SORCS1: variants seen among roughly 807,000 people sequenced by gnomAD.
SORCS1 encodes sortilin related VPS10 domain containing receptor 1.
In SORCS1, 60 loss-of-function variants were observed where a neutral mutation model predicts 146.1. The observed-to-expected ratio is 0.41, with a 90% confidence interval of 0.33 to 0.51. The LOEUF is 0.51. Ranked by LOEUF, SORCS1 falls within the 20% of genes least tolerant of loss-of-function variation. The probability of loss-of-function intolerance (pLI) is 0.21; values close to 1 mark genes in which losing one functional copy is unlikely to be tolerated. For synonymous variants in SORCS1, 637 were observed against 584.0 expected, an observed-to-expected ratio of 1.09 and a Z score of -1.31; for missense variants, 1,352 against 1,487.6, an observed-to-expected ratio of 0.91 and a Z score of 1.50.
At chr10:106,954,188 G>A (rs924908799) in intron 2 of SORCS1, among the ~76,000 whole-genome samples, 8 of 152,156 alleles carry the variant, frequency 5.3e-5, no homozygotes, top group African/African-American at 1.2e-4. Context: ...TTATGACTGC[G>A]TAAGCCTCTG....
At chr10:107,178,239 T>G in the SORCS1 span, among the ~76,000 whole-genome samples, 1 of 152,272 alleles carries the variant, frequency 6.6e-6, no homozygotes, top group South Asian at 2.1e-4. Context: ...CAGTAGAACT[T>G]ACTCCTGTGT....
chr10:106,992,826 CTTTTTTT>C (rs36052970), intron 1 of SORCS1, among the ~76,000 whole-genome samples: 1 of 57,084 alleles, frequency 1.8e-5, no homozygotes, highest in Non-Finnish European at 3.0e-5. Flanking sequence ...TTCTTTCTTT[CTTTTTTT>C]TTTTTTTTTT....
chr10:106,769,006 G>C (rs925849671), intron 4 of SORCS1, among the ~76,000 whole-genome samples: 9 of 152,218 alleles, frequency 5.9e-5, no homozygotes, highest in Admixed American at 3.3e-4. Flanking sequence ...TGACAGAGCA[G>C]AGAGCTGATC....
At chr10:107,089,588 C>A (rs1021967586) in intron 1 of SORCS1, among the ~76,000 whole-genome samples, 1 of 152,068 alleles carries the variant, frequency 6.6e-6, no homozygotes, top group Non-Finnish European at 1.5e-5. Flanking sequence ...AGAGCCAAAC[C>A]TTGAACAGGG....
At chr10:106,795,276 T>C (rs893268722) in intron 3 of SORCS1, among the ~76,000 whole-genome samples, 1 of 152,142 alleles carries the variant, frequency 6.6e-6, no homozygotes, top group South Asian at 2.1e-4. Flanking sequence ...AGATATAATC[T>C]AGTTGTTTTT....
chr10:106,993,669 T>C (rs1956867070), intron 1 of SORCS1, among the ~76,000 whole-genome samples: 1 of 152,200 alleles, frequency 6.6e-6, no homozygotes, highest in East Asian at 1.9e-4. Flanking sequence ...AACACTTTGT[T>C]TGAATGTATA....
chr10:106,840,490 T>A (rs1948976823), intron 2 of SORCS1, among the ~76,000 whole-genome samples: 1 of 118,838 alleles, frequency 8.4e-6, no homozygotes, highest in Non-Finnish European at 1.8e-5. Flanking sequence ...TTTCCTGAAA[T>A]GGAATATATT....
intron 1 of SORCS1, among the ~76,000 whole-genome samples, chr10:107,006,290 C>T (rs10787003): frequency 0.35 from 53,374 of 151,724 alleles, 11,172 homozygotes; most frequent in East Asian, 0.5. Context: ...GTGCTTAGCA[C>T]CTGACAGGTA....
At position 107,030,718 on chromosome 10, in the gene SORCS1, G is replaced by T. The variant is rs1052973427; in HGVS notation, c.559-74138C>A. 8.5e-5 allele frequency among the ~76,000 whole-genome samples: 13 copies of T among 152,118 alleles called. 1 individual carries two copies. The highest frequency in any genetic ancestry group is 2.6e-4 in the Admixed American group (4 of 15,280). On this transcript the variant is annotated intron_variant, in intron 1 of 25. Coordinates refer to ENST00000263054, the MANE Select transcript of SORCS1 (RefSeq NM_052918.5). ...AATACAAGTCATCATTTTAAAGGCA[G>T]GCCTCATTTTTACATTATGCCGAGT...
chr10:106,716,801 T>G (rs192990761), intron 6 of SORCS1, among the ~76,000 whole-genome samples: 1 of 152,328 alleles, frequency 6.6e-6, no homozygotes, highest in Admixed American at 6.5e-5. Context: ...GGTCAGGAAC[T>G]GTGCTAAGTG....
At chr10:107,090,407 G>A (rs1355111202) in intron 1 of SORCS1, among the ~76,000 whole-genome samples, 2 of 152,312 alleles carry the variant, frequency 1.3e-5, no homozygotes, top group East Asian at 3.9e-4. Context: ...TGTAGAAAGA[G>A]AGCACAGAGG....
intron 9 of SORCS1, among the ~76,000 whole-genome samples, chr10:106,691,950 T>A (rs1246988493): frequency 6.6e-6 from 1 of 152,122 alleles, no homozygotes; most frequent in Admixed American, 6.5e-5. Flanking sequence ...TATGGTCTCC[T>A]ACTCTAATAC....
intron 2 of SORCS1, among the ~76,000 whole-genome samples, chr10:106,896,750 A>G (rs1415508704): frequency 1.3e-5 from 2 of 151,760 alleles, no homozygotes; most frequent in Non-Finnish European, 2.9e-5. Flanking sequence ...AACCCATAAC[A>G]TATTACAAAT....
intron 18 of SORCS1, among the ~76,000 whole-genome samples, chr10:106,640,422 C>T (rs1423586445): frequency 6.6e-6 from 1 of 152,312 alleles, no homozygotes; most frequent in East Asian, 1.9e-4. Context: ...AGTATTAAGA[C>T]AATGAGATAC....
At chr10:106,833,962 G>A (rs533340555) in intron 2 of SORCS1, among the ~76,000 whole-genome samples, 2 of 152,000 alleles carry the variant, frequency 1.3e-5, no homozygotes, top group South Asian at 4.2e-4. Flanking sequence ...CCCAGCTAAT[G>A]TTTTGTATTT....
At chr10:106,730,154 A>C in intron 5 of SORCS1, 40 bp from the exon 6 acceptor site, 1 of 1,598,196 alleles carries the variant, frequency 6.3e-7, no homozygotes, top group African/African-American at 1.3e-5. Context: ...ATCCATATTA[A>C]TGACTTCACA....
At chr10:106,926,828 TACACACACACAC>T (rs869163147) in intron 2 of SORCS1, among the ~76,000 whole-genome samples, 9 of 29,584 alleles carry the variant, frequency 3.0e-4, no homozygotes, top group African/African-American at 5.0e-4. Context: ...GGAATATATA[TACACACACACAC>T]ACACACACAC....
intron 2 of SORCS1, among the ~76,000 whole-genome samples, chr10:106,927,425 G>C (rs1953111613): frequency 6.6e-6 from 1 of 152,142 alleles, no homozygotes; most frequent in Non-Finnish European, 1.5e-5. Flanking sequence ...GACCTTGGCG[G>C]TGAGTGTTAC....
chr10:106,687,605 G>A (rs1480408537), intron 10 of SORCS1, among the ~76,000 whole-genome samples: 40 of 152,158 alleles, frequency 2.6e-4, no homozygotes, highest in Admixed American at 2.6e-3. Flanking sequence ...AGAAAAACAA[G>A]TGGTGGGCCA....
Sources: allele counts gnomAD v4.1 joint callset (sites outside exome capture counted in the v4.1 genomes callset), GRCh38; gene constraint gnomAD v4.1.1; transcripts MANE v1.5; gene names NCBI Gene and HGNC (gene_info 2026-07-23, HGNC 2026-07-21).